STK32B: variants seen among roughly 807,000 people sequenced by gnomAD.
STK32B encodes the protein serine/threonine-protein kinase 32B.
Under a neutral mutation model 52.6 loss-of-function variants are expected in STK32B, and 43 were observed. The observed-to-expected ratio is 0.82, with a 90% confidence interval of 0.64 to 1.05. The LOEUF (loss-of-function observed/expected upper bound fraction) is 1.05, where lower values mean the gene tolerates loss of function less well. Among genes scored for constraint, STK32B ranks in the 50% least tolerant of loss-of-function variants. The pLI is 0.00. For missense variants in STK32B, 621 were observed against 534.6 expected (o/e 1.16, Z -1.59); for synonymous variants, 238 against 204.3 (o/e 1.17, Z -1.41).
chr4:5,269,801 G>A (rs1727302722), intron 3 of STK32B, among the ~76,000 whole-genome samples: 1 of 150,116 alleles, frequency 6.7e-6, no homozygotes, highest in Non-Finnish European at 1.5e-5. Context: ...CTAACATTAT[G>A]TGATATGAAA....
intron 3 of STK32B, among the ~76,000 whole-genome samples, chr4:5,220,245 C>G (rs1723440216): frequency 6.6e-6 from 1 of 152,190 alleles, no homozygotes; most frequent in South Asian, 2.1e-4. Context: ...ATTTATCCAT[C>G]CAGCAATCTC....
At chr4:5,300,119 G>A (rs931109760) in intron 3 of STK32B, among the ~76,000 whole-genome samples, 6 of 152,112 alleles carry the variant, frequency 3.9e-5, no homozygotes, top group African/African-American at 9.7e-5. Context: ...TTCATGGGAT[G>A]CATGGATGAT....
chr4:5,216,718 G>A (rs750644548), intron 3 of STK32B, among the ~76,000 whole-genome samples: 1 of 152,194 alleles, frequency 6.6e-6, no homozygotes, highest in Non-Finnish European at 1.5e-5. Context: ...TGAAGGAGCT[G>A]GAGGTGCCTT....
intron 4 of STK32B, among the ~76,000 whole-genome samples, chr4:5,332,699 G>A (rs981135328): frequency 6.6e-5 from 10 of 151,952 alleles, no homozygotes; most frequent in South Asian, 2.1e-4. Context: ...TCCTGTGTCC[G>A]TGTGTTATCA....
chr4:5,079,115 A>T (rs572770026), intron 1 of STK32B, among the ~76,000 whole-genome samples: 29 of 152,296 alleles, frequency 1.9e-4, no homozygotes, highest in African/African-American at 6.7e-4. Context: ...ATACTGCATT[A>T]CATTTTGTAT....
At chr4:5,429,582 T>G (rs1257241739) in intron 6 of STK32B, among the ~76,000 whole-genome samples, 1 of 152,096 alleles carries the variant, frequency 6.6e-6, no homozygotes, top group Non-Finnish European at 1.5e-5. Flanking sequence ...AATTTATTTT[T>G]GCTTCAAATA....
chr4:5,247,334 C>G (rs988193193), intron 3 of STK32B, among the ~76,000 whole-genome samples: 9 of 152,220 alleles, frequency 5.9e-5, no homozygotes, highest in African/African-American at 2.2e-4. Context: ...GCTGTGCTAG[C>G]AATGAGCGAG....
At chr4:5,165,785 A>C (rs1469378744) in intron 2 of STK32B, among the ~76,000 whole-genome samples, 1 of 152,150 alleles carries the variant, frequency 6.6e-6, no homozygotes, top group Non-Finnish European at 1.5e-5. Context: ...CACGTTCACT[A>C]CTGGAAATGG....
rs988706823 is a variant in STK32B at position 5,500,950 on chromosome 4, C to A, written c.*1867C>A. 6.6e-6 allele frequency: 1 copy of A among 150,806 alleles called. No individual in the cohort carries two copies. Among genetic ancestry groups the A allele is most frequent in the African/African-American group, 2.4e-5 (1 of 41,160 alleles). 9.3% of individuals were successfully genotyped at this position (150,806 alleles called of 1,614,324 possible). A position where few individuals can be genotyped will look rare whatever the true frequency, so the allele number is the denominator to read the frequency against. ...GAACACCAGATTTCCTGGTTCTGTT[C>A]AAGTTGGCATTTCTTGTTTGGAATA... On this transcript the variant is annotated 3_prime_UTR_variant, in exon 12 of 12. Transcript: ENST00000282908.
chr4:5,307,649 T>G (rs1267550449), intron 3 of STK32B, among the ~76,000 whole-genome samples: 1 of 152,006 alleles, frequency 6.6e-6, no homozygotes, highest in Non-Finnish European at 1.5e-5. Flanking sequence ...TTCATTTGGA[T>G]CTATTGCTGG....
chr4:5,119,501 A>T (rs1714913089), intron 1 of STK32B, among the ~76,000 whole-genome samples: 1 of 152,258 alleles, frequency 6.6e-6, no homozygotes, highest in Non-Finnish European at 1.5e-5. Flanking sequence ...AGTGGGAAGC[A>T]TGAGAATTCC....
At chr4:5,028,059 T>A in the STK32B span, among the ~76,000 whole-genome samples, 71 of 152,358 alleles carry the variant, frequency 4.7e-4, no homozygotes, top group African/African-American at 1.6e-3. Flanking sequence ...GGTTTCTTTC[T>A]GTCCCTGGCA....
intron 3 of STK32B, among the ~76,000 whole-genome samples, chr4:5,172,926 A>G (rs1719508227): frequency 6.6e-6 from 1 of 152,190 alleles, no homozygotes; most frequent in South Asian, 2.1e-4. Flanking sequence ...TCGGCTGTGA[A>G]TCCGTCTGGT....
chr4:5,211,057 A>T (rs1470103991), intron 3 of STK32B, among the ~76,000 whole-genome samples: 2 of 152,118 alleles, frequency 1.3e-5, no homozygotes, highest in Non-Finnish European at 1.5e-5. Context: ...AGCCTCCTAA[A>T]GTGCTGGGAT....
intron 3 of STK32B, among the ~76,000 whole-genome samples, chr4:5,320,320 C>T (rs187223330): frequency 2.0e-5 from 3 of 152,264 alleles, no homozygotes; most frequent in South Asian, 4.2e-4. Context: ...CGCCTCTGCA[C>T]TTAACATTTT....
At chr4:5,461,271 T>G (rs2109152746) in intron 9 of STK32B, among the ~76,000 whole-genome samples, 1 of 152,324 alleles carries the variant, frequency 6.6e-6, no homozygotes, top group East Asian at 1.9e-4. Context: ...TCTTTGTTGT[T>G]GCCTGTTCCA....
chr4:5,183,381 G>A (rs1332570437), intron 3 of STK32B, among the ~76,000 whole-genome samples: 1 of 151,850 alleles, frequency 6.6e-6, no homozygotes, highest in African/African-American at 2.4e-5. Flanking sequence ...GGAGGCTGAG[G>A]CAGGAGAATC....
At chr4:5,253,919 C>G (rs971874521) in intron 3 of STK32B, among the ~76,000 whole-genome samples, 1 of 152,096 alleles carries the variant, frequency 6.6e-6, no homozygotes, top group South Asian at 2.1e-4. Context: ...AGACTAGGAA[C>G]TGCTCAAAAA....
At chr4:5,334,286 A>G (rs554772873) in intron 4 of STK32B, among the ~76,000 whole-genome samples, 467 of 151,982 alleles carry the variant, frequency 3.1e-3, no homozygotes, top group African/African-American at 9.9e-3. Context: ...TTTGTCTGTT[A>G]TTGGTGTATA....
Sources: gnomAD v4.1 joint callset for allele counts (sites outside exome capture counted in the v4.1 genomes callset) on GRCh38, gnomAD v4.1.1 for gene constraint, MANE v1.5 for transcripts, NCBI Gene and HGNC (gene_info 2026-07-23, HGNC 2026-07-21) for gene names.